DLG1: variants seen among roughly 807,000 people sequenced by gnomAD.
DLG1 encodes the protein discs large MAGUK scaffold protein 1.
Under a neutral mutation model 123.4 loss-of-function variants are expected in DLG1, and 42 were observed. The observed-to-expected ratio is 0.34, with a 90% CI of 0.27 to 0.44. The LOEUF (loss-of-function observed/expected upper bound fraction) is 0.44, where lower values mean the gene tolerates loss of function less well. DLG1 is among the 20% of genes least tolerant of loss of function. The pLI is 1.00. For synonymous variants in DLG1, 317 were observed against 356.2 expected (o/e 0.89, Z 1.24); for missense variants, 942 against 1,082.6 (o/e 0.87, Z 1.82).
At chr3:197,297,070 G>T in intron 2 of DLG1, 116 bp downstream of exon 2, 1 of 1,120,014 alleles carries the variant, frequency 8.9e-7, no homozygotes, top group Non-Finnish European at 1.4e-6. Flanking sequence ...AAGCAATAAA[G>T]CTAGGACCGT....
At chr3:197,047,507 T>C (rs1274773391) in intron 24 of DLG1, among the ~76,000 whole-genome samples, 4 of 150,734 alleles carry the variant, frequency 2.7e-5, no homozygotes, top group Admixed American at 1.3e-4. Flanking sequence ...AACAAACAAG[T>C]AACAACAACA....
intron 12 of DLG1, among the ~76,000 whole-genome samples, chr3:197,118,923 G>A (rs561187615): frequency 1.1e-3 from 169 of 152,248 alleles, no homozygotes; most frequent in African/African-American, 3.9e-3. Context: ...AGGATAGCTT[G>A]AGTCTAGGAG....
At chr3:197,107,080 A>AT (rs1766891367) in intron 13 of DLG1, among the ~76,000 whole-genome samples, 1 of 152,170 alleles carries the variant, frequency 6.6e-6, no homozygotes, top group Non-Finnish European at 1.5e-5. Context: ...TACTGTACAT[A>AT]TACCTATATA....
At chr3:197,068,090 A>G (rs931392681) in intron 19 of DLG1, among the ~76,000 whole-genome samples, 8 of 152,230 alleles carry the variant, frequency 5.3e-5, no homozygotes, top group Non-Finnish European at 8.8e-5. Context: ...ATACATTGGC[A>G]TAAACATTCT....
At chr3:197,276,119 T>C (rs1766301251) in intron 4 of DLG1, among the ~76,000 whole-genome samples, 1 of 152,222 alleles carries the variant, frequency 6.6e-6, no homozygotes, top group Non-Finnish European at 1.5e-5. Context: ...CCTCCTGACA[T>C]GTAACCTGCT....
chr3:197,177,193 T>C (rs558790025), intron 5 of DLG1, among the ~76,000 whole-genome samples: 1 of 152,216 alleles, frequency 6.6e-6, no homozygotes, highest in Non-Finnish European at 1.5e-5. Flanking sequence ...TAGTAGCCTT[T>C]TGAGTAGAAA....
chr3:197,270,268 G>C (rs1164642305), intron 4 of DLG1, among the ~76,000 whole-genome samples: 2 of 152,082 alleles, frequency 1.3e-5, no homozygotes, highest in Admixed American at 6.6e-5. Flanking sequence ...GATTCGTCTA[G>C]TCAAATATGA....
At chr3:197,068,590 T>C in intron 19 of DLG1, 1 of 1,210,358 alleles carries the variant, frequency 8.3e-7, no homozygotes, top group East Asian at 2.5e-5. Flanking sequence ...AATTTTAATT[T>C]TTAAGGTGCT....
chr3:197,076,654 A>C lies in DLG1; in HGVS notation c.1937T>G (p.Leu646Arg). 1 of 1,612,984 alleles carries C rather than the reference A, an allele frequency of 6.2e-7. No individual in the cohort carries two copies. Among genetic ancestry groups the C allele is most frequent in the Non-Finnish European group, 8.5e-7 (1 of 1,179,244 alleles). Residue 646 changes from leucine (L) to arginine (R), a missense_variant, in exon 18 of 25, where the codon CTC (leucine) becomes CGC (arginine). By Grantham distance (102) the Leu-to-Arg change is moderately radical. Coordinates refer to ENST00000667157, the MANE Select transcript of DLG1 (RefSeq NM_001366207.1). ...GTAGAAGGGGAATTTTCGGGAAAAG[A>C]GGTTCTTTTTACGCTTGTCATTGAA... ...QSFNDKRKKN[L>R]FSRKFPFYKN... is the part of the protein sequence containing the mutation.
chr3:197,180,620 G>T (rs188486673), intron 5 of DLG1, among the ~76,000 whole-genome samples: 1 of 152,130 alleles, frequency 6.6e-6, no homozygotes, highest in Admixed American at 6.6e-5. Context: ...ACAATGAAAT[G>T]ATAAAACTGA....
intron 4 of DLG1, among the ~76,000 whole-genome samples, chr3:197,207,883 A>G (rs1013386318): frequency 6.8e-6 from 1 of 146,116 alleles, no homozygotes; most frequent in East Asian, 2.0e-4. Context: ...TTTTATAACT[A>G]TAACAAAGAC....
At chr3:197,214,175 T>C (rs1056828968) in intron 4 of DLG1, among the ~76,000 whole-genome samples, 1 of 152,124 alleles carries the variant, frequency 6.6e-6, no homozygotes, top group Non-Finnish European at 1.5e-5. Context: ...ATAAGGATTC[T>C]TATGGCATAA....
intron 10 of DLG1, 74 bp from the exon 11 acceptor site, chr3:197,130,745 G>A (rs1323510520): frequency 4.7e-6 from 6 of 1,263,488 alleles, no homozygotes; most frequent in African/African-American, 3.0e-5. Context: ...TTCACGAAAA[G>A]AAAGGGAAAA....
chr3:197,297,695 C>T (rs1778180473), intron 1 of DLG1: 3 of 988,836 alleles, frequency 3.0e-6, no homozygotes, highest in Non-Finnish European at 1.2e-6. Context: ...TCGCTGCCTC[C>T]GGGCTGCTCC....
intron 11 of DLG1, among the ~76,000 whole-genome samples, chr3:197,125,854 C>A (rs1254827536): frequency 6.6e-6 from 1 of 152,074 alleles, no homozygotes; most frequent in African/African-American, 2.4e-5. Context: ...GTGACTACAG[C>A]CAGACTGATG....
intron 11 of DLG1, among the ~76,000 whole-genome samples, chr3:197,123,977 C>G (rs1391702956): frequency 6.6e-6 from 1 of 152,198 alleles, no homozygotes; most frequent in Non-Finnish European, 1.5e-5. Flanking sequence ...ATAAAGAGGT[C>G]AGGTGCAGTG....
chr3:197,050,230 G>A (rs936684578), intron 24 of DLG1, among the ~76,000 whole-genome samples: 1 of 152,076 alleles, frequency 6.6e-6, no homozygotes, highest in Non-Finnish European at 1.5e-5. Context: ...AGCTGGGCGT[G>A]GTGGCAGCTG....
chr3:197,223,091 T>TGAAATAGCTAATTCTA (rs1737987159), intron 4 of DLG1, among the ~76,000 whole-genome samples: 1 of 152,170 alleles, frequency 6.6e-6, no homozygotes, highest in Admixed American at 6.5e-5. Context: ...TAATTTCTGT[T>TGAAATAGCTAATTCTA]CACATCCACC....
chr3:197,242,965 G>A (rs902854810), intron 4 of DLG1, among the ~76,000 whole-genome samples: 5 of 152,144 alleles, frequency 3.3e-5, no homozygotes, highest in Non-Finnish European at 7.3e-5. Flanking sequence ...AGGATGCCTT[G>A]TGTTAGAAAT....
Sources: gnomAD v4.1 joint callset for allele counts (sites outside exome capture counted in the v4.1 genomes callset) on GRCh38, gnomAD v4.1.1 for gene constraint, MANE v1.5 for transcripts, NCBI Gene and HGNC (gene_info 2026-07-23, HGNC 2026-07-21) for gene names.